The following AGBL1 variants were observed in gnomAD, a reference collection of about 807,000 sequenced individuals.
AGBL1 encodes AGBL carboxypeptidase 1.
AGBL1 carries 130 observed loss-of-function variants against 118.9 expected under a neutral mutation model. The observed-to-expected ratio is 1.09, with a 90% CI of 0.95 to 1.26. The LOEUF is 1.26. Among genes scored for constraint, AGBL1 ranks in the 50% most tolerant of loss-of-function variants. The pLI is 0.00. For synonymous variants in AGBL1, 555 were observed against 478.9 expected (o/e 1.16, Z -2.08); for missense variants, 1,584 against 1,298.1 (o/e 1.22, Z -3.38).
chr15:86,699,125 C>T (rs2086312897), intron 22 of AGBL1, among the ~76,000 whole-genome samples: 1 of 151,608 alleles, frequency 6.6e-6, no homozygotes, highest in Admixed American at 6.6e-5. Flanking sequence ...TAATGTTAAC[C>T]TTTTATCTTT....
intron 17 of AGBL1, among the ~76,000 whole-genome samples, chr15:86,364,668 A>T (rs762566092): frequency 6.6e-6 from 1 of 152,044 alleles, no homozygotes; most frequent in Non-Finnish European, 1.5e-5. Flanking sequence ...AACTGTATTT[A>T]TTTCTTATAA....
At chr15:86,760,746 C>A (rs1440306762) in intron 22 of AGBL1, among the ~76,000 whole-genome samples, 1 of 152,006 alleles carries the variant, frequency 6.6e-6, no homozygotes. Context: ...TCATAACTTC[C>A]TGACAGATAA....
At chr15:86,662,153 G>A (rs2078545) in intron 21 of AGBL1, among the ~76,000 whole-genome samples, 35,305 of 152,204 alleles carry the variant, frequency 0.23, 5,083 homozygotes, top group East Asian at 0.43. Context: ...ACTAAGCAAA[G>A]ATGAGTGGCA....
chr15:86,566,439 G>A (rs957517894), intron 21 of AGBL1, among the ~76,000 whole-genome samples: 7 of 152,116 alleles, frequency 4.6e-5, no homozygotes, highest in African/African-American at 1.7e-4. Flanking sequence ...ATACAAAGAG[G>A]GCTGAGAGGA....
intron 24 of AGBL1, among the ~76,000 whole-genome samples, chr15:87,021,074 G>A (rs2081659609): frequency 6.6e-6 from 1 of 152,094 alleles, no homozygotes; most frequent in Admixed American, 6.6e-5. Context: ...AAAGCTGGAG[G>A]CATCACACTA....
intron 22 of AGBL1, among the ~76,000 whole-genome samples, chr15:86,805,553 A>C (rs1171584071): frequency 6.6e-6 from 1 of 152,126 alleles, no homozygotes; most frequent in East Asian, 1.9e-4. Flanking sequence ...GGTTAGAAAC[A>C]TATCTCAGAG....
chr15:87,031,222 T>A (rs550102595), downstream of AGBL1, among the ~76,000 whole-genome samples: 41 of 152,090 alleles, frequency 2.7e-4, no homozygotes, highest in Non-Finnish European at 5.2e-4. Flanking sequence ...GTCTCATTTT[T>A]TTCCTTAATT....
intron 22 of AGBL1, among the ~76,000 whole-genome samples, chr15:86,816,446 A>C (rs1191604400): frequency 6.6e-6 from 1 of 152,234 alleles, no homozygotes; most frequent in Non-Finnish European, 1.5e-5. Context: ...TTCAGTTGAC[A>C]GGTGACATCG....
chr15:86,598,839 G>T (rs1356641919), intron 21 of AGBL1, among the ~76,000 whole-genome samples: 1 of 152,038 alleles, frequency 6.6e-6, no homozygotes, highest in African/African-American at 2.4e-5. Context: ...GTGAAATTAG[G>T]GTCAACTGTT....
At chr15:86,901,270 AG>A (rs1411774317) in intron 22 of AGBL1, among the ~76,000 whole-genome samples, 3 of 152,172 alleles carry the variant, frequency 2.0e-5, no homozygotes, top group Admixed American at 1.3e-4. Flanking sequence ...AAATTTAGAA[AG>A]AATTCCATCA....
intron 1 of AGBL1, among the ~76,000 whole-genome samples, chr15:86,082,480 A>C (rs1895352487): frequency 6.6e-6 from 1 of 152,198 alleles, no homozygotes; most frequent in Non-Finnish European, 1.5e-5. Flanking sequence ...GAGTGCCCCA[A>C]AAGGTTGCCA....
chr15:86,800,140 G>C (rs1035943759), intron 22 of AGBL1, among the ~76,000 whole-genome samples: 2 of 151,992 alleles, frequency 1.3e-5, no homozygotes, highest in Non-Finnish European at 2.9e-5. Flanking sequence ...GCACCACCAT[G>C]AAATAATTAG....
At chr15:86,681,140 T>C (rs2085947669) in intron 22 of AGBL1, among the ~76,000 whole-genome samples, 1 of 152,164 alleles carries the variant, frequency 6.6e-6, no homozygotes, top group African/African-American at 2.4e-5. Context: ...TCTGTATCTG[T>C]TATCTCTTCT....
At chr15:87,010,001 T>G (rs764760204) in intron 24 of AGBL1, among the ~76,000 whole-genome samples, 1 of 152,190 alleles carries the variant, frequency 6.6e-6, no homozygotes, top group Non-Finnish European at 1.5e-5. Context: ...ACTATTGAGT[T>G]AATGCTGAAA....
At chr15:86,588,216 C>G (rs1458761383) in intron 21 of AGBL1, among the ~76,000 whole-genome samples, 1 of 152,088 alleles carries the variant, frequency 6.6e-6, no homozygotes, top group Non-Finnish European at 1.5e-5. Flanking sequence ...CAGGATGAGC[C>G]TGGGTTGGCT....
At chr15:86,395,997 T>G (rs965898488) in intron 17 of AGBL1, among the ~76,000 whole-genome samples, 1 of 151,780 alleles carries the variant, frequency 6.6e-6, no homozygotes, top group Non-Finnish European at 1.5e-5. Context: ...TGTTTGTCTT[T>G]CCGTGTGTGT....
At chr15:86,130,339 A>G (rs572062369) in intron 1 of AGBL1, among the ~76,000 whole-genome samples, 2 of 152,116 alleles carry the variant, frequency 1.3e-5, no homozygotes, top group East Asian at 1.9e-4. Flanking sequence ...TATTATTATT[A>G]TACGTTAAGC....
At chr15:86,726,626 G>T (rs745652067) in intron 22 of AGBL1, among the ~76,000 whole-genome samples, 41 of 152,122 alleles carry the variant, frequency 2.7e-4, no homozygotes, top group Non-Finnish European at 5.0e-4. Flanking sequence ...CAGTGGTACA[G>T]TCACTACTTA....
intron 3 of AGBL1, among the ~76,000 whole-genome samples, chr15:86,152,202 C>T (rs994666146): frequency 9.2e-5 from 14 of 152,156 alleles, no homozygotes; most frequent in Admixed American, 9.2e-4. Flanking sequence ...AAAGAGCATG[C>T]ATTGCCAAGA....
Sources: gnomAD v4.1 joint callset for allele counts (sites outside exome capture counted in the v4.1 genomes callset) on GRCh38, gnomAD v4.1.1 for gene constraint, MANE v1.5 for transcripts, NCBI Gene and HGNC (gene_info 2026-07-23, HGNC 2026-07-21) for gene names.